Variants in GUCY1A2 observed in about 807,000 individuals in gnomAD.
GUCY1A2 encodes guanylate cyclase 1 soluble subunit alpha 2, also known as guanylate cyclase soluble subunit alpha-2.
Under a neutral mutation model 63.5 loss-of-function variants are expected in GUCY1A2, and 27 were observed. That is an observed-to-expected ratio of 0.43 (90% CI 0.31 to 0.59). The LOEUF (loss-of-function observed/expected upper bound fraction) is 0.59. Ranked by LOEUF, GUCY1A2 falls within the 20% of genes least tolerant of loss-of-function variation. The pLI is 0.11. For missense variants in GUCY1A2, 768 were observed against 913.3 expected (o/e 0.84, Z 2.05); for synonymous variants, 364 against 343.5 (o/e 1.06, Z -0.66).
At chr11:106,688,508 G>C (rs1176353984) in intron 7 of GUCY1A2, among the ~76,000 whole-genome samples, 3 of 152,142 alleles carry the variant, frequency 2.0e-5, no homozygotes, top group African/African-American at 7.2e-5. Context: ...GCTCTTGATA[G>C]ACTGTTTCTT....
In GUCY1A2 at chr11:107,017,971, ACTC is replaced by A. The variant is rs773124081; in HGVS notation, c.82_84del (p.Glu28del). 1 of 1,440,452 alleles carries A rather than the reference ACTC, an allele frequency of 6.9e-7. No individual in the cohort carries two copies. Among genetic ancestry groups the A allele is most frequent in the African/African-American group, 1.5e-5 (1 of 67,566 alleles). The allele number at this position is 1,440,452 out of a possible 1,614,324, so 89.2% of individuals were successfully genotyped here. ...TTCCAGCAGAGCCTAGACAGGGGGC[ACTC>A]CCCCTCCTCCTCCGGGCTGGTCTCC... On this transcript the variant is annotated inframe_deletion, in exon 1 of 8. Coordinates refer to ENST00000526355, the MANE Select transcript of GUCY1A2 (RefSeq NM_000855.3).
chr11:106,689,228 T>C (rs533923002), intron 7 of GUCY1A2, among the ~76,000 whole-genome samples: 1 of 152,186 alleles, frequency 6.6e-6, no homozygotes, highest in East Asian at 1.9e-4. Flanking sequence ...CCTAAAACAA[T>C]AGTTGGTAGT....
chr11:106,911,744 T>C (rs1860297412), intron 4 of GUCY1A2, among the ~76,000 whole-genome samples: 1 of 152,052 alleles, frequency 6.6e-6, no homozygotes. Flanking sequence ...AAATACATGC[T>C]TTTTAAAGTC....
At chr11:106,936,380 G>A (rs1164978919) in intron 4 of GUCY1A2, among the ~76,000 whole-genome samples, 1 of 152,112 alleles carries the variant, frequency 6.6e-6, no homozygotes, top group Non-Finnish European at 1.5e-5. Context: ...GATTAATTCA[G>A]TCTTTATTCT....
intron 4 of GUCY1A2, among the ~76,000 whole-genome samples, chr11:106,894,532 C>T (rs961338748): frequency 6.6e-6 from 1 of 152,144 alleles, no homozygotes; most frequent in African/African-American, 2.4e-5. Context: ...GTTCACCAAG[C>T]TAAACCACAA....
chr11:106,812,870 AT>A (rs1337030494), intron 4 of GUCY1A2, among the ~76,000 whole-genome samples: 1 of 152,024 alleles, frequency 6.6e-6, no homozygotes, highest in African/African-American at 2.4e-5. Flanking sequence ...AATAAAGTAA[AT>A]AACTTCCTTT....
chr11:106,825,006 T>G, intron 4 of GUCY1A2: 2 of 1,591,214 alleles, frequency 1.3e-6, no homozygotes, highest in South Asian at 2.3e-5. Context: ...TGCATGTATA[T>G]GCCACTATTT....
intron 4 of GUCY1A2, chr11:106,827,758 GAGA>G (rs1247625632): frequency 4.0e-6 from 6 of 1,516,816 alleles, no homozygotes; most frequent in Admixed American, 1.7e-5. Flanking sequence ...TTCATAACAG[GAGA>G]AGCTGTTACC....
At chr11:106,800,752 G>A (rs966389190) in intron 5 of GUCY1A2, among the ~76,000 whole-genome samples, 1 of 152,052 alleles carries the variant, frequency 6.6e-6, no homozygotes, top group Admixed American at 6.6e-5. Context: ...GTAGGGGGAA[G>A]GGGGAGGGAT....
At chr11:106,910,274 T>C (rs1423576517) in intron 4 of GUCY1A2, among the ~76,000 whole-genome samples, 1 of 151,958 alleles carries the variant, frequency 6.6e-6, no homozygotes, top group Non-Finnish European at 1.5e-5. Context: ...TGTAGTATGA[T>C]CCCTATTATA....
chr11:106,972,701 G>A (rs999835309), intron 3 of GUCY1A2, among the ~76,000 whole-genome samples: 9 of 152,134 alleles, frequency 5.9e-5, no homozygotes, highest in African/African-American at 2.2e-4. Context: ...TAGGAGAAGA[G>A]GGAAACTATG....
chr11:106,901,998 C>T (rs1331367204), intron 4 of GUCY1A2, among the ~76,000 whole-genome samples: 5 of 152,086 alleles, frequency 3.3e-5, no homozygotes, highest in South Asian at 2.1e-4. Flanking sequence ...TTTGCCCATA[C>T]CCACCAGAGG....
intron 4 of GUCY1A2, among the ~76,000 whole-genome samples, chr11:106,857,019 T>C (rs1859445784): frequency 6.6e-6 from 1 of 152,232 alleles, no homozygotes; most frequent in Non-Finnish European, 1.5e-5. Context: ...CAGAATTACC[T>C]AAATGAGCTA....
chr11:107,011,145 G>C (rs1003756141), intron 1 of GUCY1A2, among the ~76,000 whole-genome samples: 1 of 152,160 alleles, frequency 6.6e-6, no homozygotes, highest in African/African-American at 2.4e-5. Context: ...ATCGAACAAA[G>C]GGCCTGTGAA....
chr11:106,998,543 A>G (rs1179297487), intron 1 of GUCY1A2, among the ~76,000 whole-genome samples: 2 of 152,228 alleles, frequency 1.3e-5, no homozygotes, highest in African/African-American at 4.8e-5. Context: ...CTGATTGGAT[A>G]TCACTTACTA....
chr11:106,791,131 T>G (rs1180963588), intron 5 of GUCY1A2, among the ~76,000 whole-genome samples: 1 of 152,182 alleles, frequency 6.6e-6, no homozygotes, highest in African/African-American at 2.4e-5. Flanking sequence ...GTGGCAAGGT[T>G]TGGCAGAACT....
Position 106,674,183 on chromosome 11 carries a change from A to C in GUCY1A2, c.*13366T>G. The C allele has an allele frequency of 5.4e-6, 1 of 184,784 alleles. No homozygotes were observed. 11.4% of individuals were successfully genotyped at this position (184,784 alleles called of 1,614,324 possible). ...TGTTTTATAAGAATCCCACGTTTCC[A>C]TCACTTATTTTTCATATACAAATTC... On this transcript the variant is annotated 3_prime_UTR_variant, in exon 8 of 8. Coordinates refer to ENST00000526355, the MANE Select transcript of GUCY1A2 (RefSeq NM_000855.3).
At chr11:106,920,503 G>A (rs1227644597) in intron 4 of GUCY1A2, among the ~76,000 whole-genome samples, 1 of 152,102 alleles carries the variant, frequency 6.6e-6, no homozygotes, top group African/African-American at 2.4e-5. Flanking sequence ...AACATGGGTG[G>A]AGTGTAAATT....
At chr11:106,913,606 G>T (rs940370800) in intron 4 of GUCY1A2, among the ~76,000 whole-genome samples, 6 of 151,960 alleles carry the variant, frequency 3.9e-5, no homozygotes, top group Non-Finnish European at 7.4e-5. Flanking sequence ...CATAGGATTT[G>T]GAAGGGTCAA....
Sources: allele counts gnomAD v4.1 joint callset (sites outside exome capture counted in the v4.1 genomes callset), GRCh38; gene constraint gnomAD v4.1.1; transcripts MANE v1.5; gene names NCBI Gene and HGNC (gene_info 2026-07-23, HGNC 2026-07-21).